The following COL5A2 variants were observed in gnomAD, a reference collection of about 807,000 sequenced individuals.
The protein encoded by COL5A2 is collagen type V alpha 2 chain, also known as collagen alpha-2(V) chain.
A neutral mutation model predicts 208.2 loss-of-function variants in COL5A2; 23 were observed. That is an observed-to-expected ratio of 0.11 (90% CI 0.08 to 0.16). COL5A2 has a LOEUF of 0.16. COL5A2 is among the 10% of genes least tolerant of loss of function. The pLI, the probability that COL5A2 is intolerant of heterozygous loss-of-function variation, is 1.00. For missense variants in COL5A2, 1,590 were observed against 1,956.4 expected, an observed-to-expected ratio of 0.81 and a Z score of 3.53; for synonymous variants, 625 against 628.5, an observed-to-expected ratio of 0.99 and a Z score of 0.08.
chr2:189,231,959 T>C, the COL5A2 span, among the ~76,000 whole-genome samples: 88,694 of 151,186 alleles, frequency 0.59, 27,516 homozygotes, highest in East Asian at 0.72. Flanking sequence ...AGAGTAAACA[T>C]TCCACACGAC....
the COL5A2 span, among the ~76,000 whole-genome samples, chr2:189,412,249 G>T: frequency 6.6e-6 from 1 of 152,078 alleles, no homozygotes. Context: ...TAACGTTCGT[G>T]AAATGTTTAT....
At chr2:189,332,899 A>C in the COL5A2 span, among the ~76,000 whole-genome samples, 1 of 152,352 alleles carries the variant, frequency 6.6e-6, no homozygotes, top group South Asian at 2.1e-4. Flanking sequence ...AGACAACATT[A>C]TTAAATCTAC....
the COL5A2 span, among the ~76,000 whole-genome samples, chr2:189,440,824 G>A: frequency 6.6e-6 from 1 of 152,168 alleles, no homozygotes; most frequent in Non-Finnish European, 1.5e-5. Context: ...GGGACTGGCC[G>A]AATGTCAGAT....
At chr2:189,112,059 C>T (rs886624513) in intron 1 of COL5A2, among the ~76,000 whole-genome samples, 1 of 151,908 alleles carries the variant, frequency 6.6e-6, no homozygotes, top group Non-Finnish European at 1.5e-5. Flanking sequence ...GACGGGGTTT[C>T]GCCGTGTTTG....
upstream of COL5A2, among the ~76,000 whole-genome samples, chr2:189,180,314 C>CAGGTT (rs139188526): frequency 7.0e-3 from 1,062 of 152,224 alleles, 14 homozygotes; most frequent in African/African-American, 0.024. Context: ...AGGTAAAGTC[C>CAGGTT]AGGTTAGAAA....
At chr2:189,074,400 C>T (rs1417494461) in intron 17 of COL5A2, among the ~76,000 whole-genome samples, 1 of 152,012 alleles carries the variant, frequency 6.6e-6, no homozygotes, top group African/African-American at 2.4e-5. Flanking sequence ...TGGTCTGAAG[C>T]AAAATACAAT....
intron 1 of COL5A2, among the ~76,000 whole-genome samples, chr2:189,121,857 A>G (rs1393996880): frequency 2.0e-5 from 3 of 152,152 alleles, no homozygotes; most frequent in South Asian, 4.2e-4. Context: ...AAAAAATAGT[A>G]TAATGTCTAG....
At chr2:189,218,094 T>C (rs1376181096) in intron 1 of COL5A2, among the ~76,000 whole-genome samples, 1 of 152,214 alleles carries the variant, frequency 6.6e-6, no homozygotes, top group Non-Finnish European at 1.5e-5. Flanking sequence ...TCATGGATTC[T>C]AAGAACGTTA....
chr2:189,208,637 T>C (rs542971036), intron 1 of COL5A2, among the ~76,000 whole-genome samples: 1 of 152,280 alleles, frequency 6.6e-6, no homozygotes, highest in East Asian at 1.9e-4. Flanking sequence ...AAATTCTATT[T>C]TGACCAGAAT....
At chr2:189,282,469 C>A in the COL5A2 span, among the ~76,000 whole-genome samples, 1 of 152,144 alleles carries the variant, frequency 6.6e-6, no homozygotes, top group Non-Finnish European at 1.5e-5. Flanking sequence ...CCATTAATTT[C>A]ATTCCTGTAT....
the COL5A2 span, among the ~76,000 whole-genome samples, chr2:189,395,898 C>CAAAA: frequency 6.6e-4 from 35 of 53,212 alleles, no homozygotes; most frequent in South Asian, 3.6e-3. Flanking sequence ...GGACACATCT[C>CAAAA]AAAAAAAAAA....
the COL5A2 span, among the ~76,000 whole-genome samples, chr2:189,421,042 T>C: frequency 1.3e-5 from 2 of 152,200 alleles, no homozygotes; most frequent in Non-Finnish European, 2.9e-5. Context: ...TACTAATAAA[T>C]TAATTTATTT....
At chr2:189,129,108 T>C (rs1054807598) in intron 1 of COL5A2, among the ~76,000 whole-genome samples, 10 of 151,816 alleles carry the variant, frequency 6.6e-5, no homozygotes, top group African/African-American at 2.2e-4. Flanking sequence ...TATGGTCCCC[T>C]GGTGAGTTTT....
At chr2:189,351,889 A>G in the COL5A2 span, among the ~76,000 whole-genome samples, 1 of 152,120 alleles carries the variant, frequency 6.6e-6, no homozygotes, top group Non-Finnish European at 1.5e-5. Context: ...TACACGTGCC[A>G]TGGTGGTTTG....
At chr2:189,201,375 A>T (rs1257422759) in intron 1 of COL5A2, among the ~76,000 whole-genome samples, 1 of 152,052 alleles carries the variant, frequency 6.6e-6, no homozygotes, top group Non-Finnish European at 1.5e-5. Context: ...TTTAAAGGGA[A>T]AATTCAAAAA....
chr2:189,040,088 A>T (rs1685527191), intron 50 of COL5A2, among the ~76,000 whole-genome samples: 1 of 152,190 alleles, frequency 6.6e-6, no homozygotes, highest in Non-Finnish European at 1.5e-5. Flanking sequence ...AAACACAGGA[A>T]GTCCTTTTAT....
chr2:189,310,266 T>C, the COL5A2 span, among the ~76,000 whole-genome samples: 2 of 152,148 alleles, frequency 1.3e-5, no homozygotes, highest in African/African-American at 4.8e-5. Flanking sequence ...AAGATTTGAA[T>C]AGATGTTTCT....
At chr2:189,187,895 G>A (rs916076405) in intron 1 of COL5A2, among the ~76,000 whole-genome samples, 2 of 151,718 alleles carry the variant, frequency 1.3e-5, no homozygotes, top group Non-Finnish European at 2.9e-5. Flanking sequence ...TGTGAACCCG[G>A]GAGGCGGAGC....
chr2:189,142,905 A>C (rs896890061), intron 1 of COL5A2, among the ~76,000 whole-genome samples: 1 of 151,852 alleles, frequency 6.6e-6, no homozygotes, highest in Non-Finnish European at 1.5e-5. Flanking sequence ...GACCTACTTG[A>C]CTATTCTCTG....
Sources: allele counts gnomAD v4.1 joint callset (sites outside exome capture counted in the v4.1 genomes callset), GRCh38; gene constraint gnomAD v4.1.1; transcripts MANE v1.5; gene names NCBI Gene and HGNC (gene_info 2026-07-23, HGNC 2026-07-21).